PIK3C2A: variants seen among roughly 807,000 people sequenced by gnomAD.
The protein encoded by PIK3C2A is phosphatidylinositol-4-phosphate 3-kinase catalytic subunit type 2 alpha, also known as phosphatidylinositol 4-phosphate 3-kinase C2 domain-containing subunit alpha.
PIK3C2A carries 97 observed loss-of-function variants against 204.5 expected under a neutral mutation model. The observed-to-expected ratio is 0.47, with a 90% CI of 0.40 to 0.56. The LOEUF (loss-of-function observed/expected upper bound fraction) is 0.56, where lower values mean the gene tolerates loss of function less well. PIK3C2A is among the 20% of genes least tolerant of loss of function. The probability of loss-of-function intolerance (pLI) is 0.00; values close to 1 mark genes in which losing one functional copy is unlikely to be tolerated. For missense variants in PIK3C2A, 1,735 were observed against 1,969.2 expected (o/e 0.88, Z 2.25); for synonymous variants, 653 against 664.4 (o/e 0.98, Z 0.26).
intron 13 of PIK3C2A, among the ~76,000 whole-genome samples, chr11:17,129,054 TCTCCATGGAA>T (rs1849610559): frequency 6.6e-6 from 1 of 152,248 alleles, no homozygotes; most frequent in Non-Finnish European, 1.5e-5. Flanking sequence ...CTGCTGCTTT[TCTCCATGGAA>T]CAGTGAGTGG....
intron 1 of PIK3C2A, among the ~76,000 whole-genome samples, chr11:17,170,921 G>A (rs180916740): frequency 2.4e-4 from 37 of 152,182 alleles, no homozygotes; most frequent in African/African-American, 7.7e-4. Context: ...GGCTAACACA[G>A]TGAAACCCCG....
chr11:17,101,493 AT>A, intron 24 of PIK3C2A, 59 bp from the exon 25 acceptor site: 2 of 910,124 alleles, frequency 2.2e-6, no homozygotes, highest in Non-Finnish European at 1.6e-6. Flanking sequence ...CAATAGTGCT[AT>A]TACATGATTA....
intron 1 of PIK3C2A, among the ~76,000 whole-genome samples, chr11:17,184,352 A>C (rs558707345): frequency 7.4e-4 from 113 of 152,238 alleles, no homozygotes; most frequent in African/African-American, 2.7e-3. Flanking sequence ...CTTCCAGTGA[A>C]ACAAGATGTG....
chr11:17,123,752 T>C (rs2137354494), intron 13 of PIK3C2A, among the ~76,000 whole-genome samples: 1 of 113,646 alleles, frequency 8.8e-6, no homozygotes, highest in African/African-American at 3.5e-5. Context: ...ACAAACTGTA[T>C]TTGTATTTAT....
intron 23 of PIK3C2A, among the ~76,000 whole-genome samples, chr11:17,103,241 CAT>C (rs1226236235): frequency 6.6e-6 from 1 of 151,746 alleles, no homozygotes; most frequent in Non-Finnish European, 1.5e-5. Flanking sequence ...GCAGGGAAGA[CAT>C]GTGTAAGGAA....
At chr11:17,136,326 T>TTTTGGTG (rs1185723576) in intron 9 of PIK3C2A, among the ~76,000 whole-genome samples, 156 bp downstream of exon 9, 2 of 152,166 alleles carry the variant, frequency 1.3e-5, no homozygotes, top group Non-Finnish European at 2.9e-5. Flanking sequence ...CAGCCCAACT[T>TTTTGGTG]CTTACCAAGG....
intron 32 of PIK3C2A, among the ~76,000 whole-genome samples, chr11:17,090,464 C>T (rs1848276158): frequency 6.6e-6 from 1 of 152,002 alleles, no homozygotes; most frequent in Admixed American, 6.6e-5. Flanking sequence ...CGAAACTCTG[C>T]CTCTAAAAAT....
At chr11:17,202,733 G>A (rs1268960091) in intron 1 of PIK3C2A, among the ~76,000 whole-genome samples, 1 of 152,184 alleles carries the variant, frequency 6.6e-6, no homozygotes, top group Admixed American at 6.5e-5. Flanking sequence ...GTCTTGGAGG[G>A]AAAACAGTGT....
intron 1 of PIK3C2A, among the ~76,000 whole-genome samples, chr11:17,190,087 A>G (rs1851889719): frequency 6.6e-6 from 1 of 151,856 alleles, no homozygotes; most frequent in African/African-American, 2.4e-5. Flanking sequence ...ACATGGCGAA[A>G]CCCCATCTCT....
At chr11:17,138,317 C>T in intron 8 of PIK3C2A, 2 of 494,812 alleles carry the variant, frequency 4.0e-6, no homozygotes, top group Non-Finnish European at 7.2e-6. Flanking sequence ...CGAAAAACAG[C>T]CAGCTTCCTT....
chr11:17,183,727 T>C lies in PIK3C2A; in HGVS notation c.-65-13921A>G, dbSNP rs1332579630. ...CACTTTATCGTAAGTTATGTACATA[T>C]AGGAAAAAACACAGTATAGTCATGT... is the stretch of plus-strand genomic sequence containing the variant. On this transcript the variant is annotated intron_variant, in intron 1 of 32. Transcript: ENST00000691414. Among the ~76,000 whole-genome samples the C allele has an allele frequency of 3.3e-5, 5 of 151,622 alleles. No individual in the cohort carries two copies. In the East Asian group the frequency reaches 7.8e-4, roughly 24 times the overall value.
At chr11:17,140,054 T>G (rs1290515058) in intron 8 of PIK3C2A, among the ~76,000 whole-genome samples, 1 of 152,210 alleles carries the variant, frequency 6.6e-6, no homozygotes, top group Admixed American at 6.5e-5. Context: ...CCATCCTGAC[T>G]TCATTTTAGC....
chr11:17,138,113 GT>G, intron 8 of PIK3C2A: 2 of 747,580 alleles, frequency 2.7e-6, no homozygotes, highest in Non-Finnish European at 4.7e-6. Flanking sequence ...CTGCTGACAT[GT>G]TTTTTGTTTT....
intron 1 of PIK3C2A, among the ~76,000 whole-genome samples, chr11:17,207,115 G>C (rs1214016685): frequency 6.6e-6 from 1 of 152,110 alleles, no homozygotes; most frequent in Non-Finnish European, 1.5e-5. Context: ...TCCACAGCTA[G>C]AGAATGTCGT....
chr11:17,130,323 G>T (rs1054980275), intron 12 of PIK3C2A, among the ~76,000 whole-genome samples: 1 of 152,122 alleles, frequency 6.6e-6, no homozygotes, highest in African/African-American at 2.4e-5. Context: ...GATAGCAAAT[G>T]TTGAAAATAG....
At chr11:17,149,290 A>G (rs550008650) in intron 4 of PIK3C2A, among the ~76,000 whole-genome samples, 1 of 152,274 alleles carries the variant, frequency 6.6e-6, no homozygotes, top group Admixed American at 6.5e-5. Context: ...AAAAAAAATC[A>G]CATGTACCCC....
chr11:17,102,782 T>C lies in PIK3C2A; in HGVS notation c.3731A>G (p.Tyr1244Cys), dbSNP rs1590907102. The change falls in exon 24 of 33, where the codon TAT becomes TGT. Residue 1244 changes from tyrosine to cysteine, a missense_variant. Coordinates refer to ENST00000691414, the MANE Select transcript of PIK3C2A (RefSeq NM_002645.4). ...GTGTCGATCACAGATGCCTAAAACA[T>C]AGGTGGCTACACAGCATCCAGCACA... ...YSCAGCCVAT[Y>C]VLGICDRHND... 6.2e-7 allele frequency: 1 copy of C among 1,612,438 alleles called. No homozygotes were observed. Among genetic ancestry groups the C allele is most frequent in the Non-Finnish European group, 8.5e-7 (1 of 1,178,572 alleles).
Position 17,117,496 on chromosome 11 carries a change from TG to T in PIK3C2A, c.3210del (p.Arg1071AspfsTer29). 6.2e-7 allele frequency: 1 copy of T among 1,609,744 alleles called. No homozygotes were observed. Among genetic ancestry groups the T allele is most frequent in the Non-Finnish European group, 8.5e-7 (1 of 1,176,316 alleles). On this transcript the variant is annotated frameshift_variant, in exon 19 of 33. Transcript: ENST00000691414. LOFTEE classifies it high-confidence loss of function. ...TACCTTTTATGGGTACATACCTGTC[TG>T]GCTGATCCACTAGCCTGCCTTACTT... ...AEKVRQASGS[A>X]RQVVLQRSME...
intron 15 of PIK3C2A, 121 bp downstream of exon 15, chr11:17,122,067 A>T: frequency 1.6e-6 from 1 of 610,500 alleles, no homozygotes; most frequent in Non-Finnish European, 2.8e-6. Context: ...TTAAATAGAA[A>T]ACTTTCCACA....
Sources: gnomAD v4.1 joint callset for allele counts (sites outside exome capture counted in the v4.1 genomes callset) on GRCh38, gnomAD v4.1.1 for gene constraint, MANE v1.5 for transcripts, NCBI Gene and HGNC (gene_info 2026-07-23, HGNC 2026-07-21) for gene names.